The following SSH2 variants were observed in gnomAD, a reference collection of about 807,000 sequenced individuals.
SSH2 encodes slingshot protein phosphatase 2, also known as protein phosphatase Slingshot homolog 2.
In SSH2, 37 loss-of-function variants were observed where a neutral mutation model predicts 135.2. The ratio of observed to expected loss-of-function variants is 0.27; its 90% CI spans 0.21 to 0.36. SSH2 has a LOEUF of 0.36. Ranked by LOEUF, SSH2 falls within the 10% of genes least tolerant of loss-of-function variation. The pLI is 1.00. For missense variants in SSH2, 1,408 were observed against 1,765.3 expected, an observed-to-expected ratio of 0.80 and a Z score of 3.63; for synonymous variants, 628 against 646.2, an observed-to-expected ratio of 0.97 and a Z score of 0.43.
At chr17:29,799,967 TGAA>T (rs1323064049) in intron 2 of SSH2, among the ~76,000 whole-genome samples, 2 of 152,210 alleles carry the variant, frequency 1.3e-5, no homozygotes, top group African/African-American at 4.8e-5. Flanking sequence ...CAGAGGGAGC[TGAA>T]GAAGAAGGAA....
intron 3 of SSH2, among the ~76,000 whole-genome samples, chr17:29,754,731 A>G (rs754099484): frequency 6.6e-6 from 1 of 152,148 alleles, no homozygotes; most frequent in Non-Finnish European, 1.5e-5. Flanking sequence ...AAGTGGCACC[A>G]TCTCGGCTCA....
intron 1 of SSH2, among the ~76,000 whole-genome samples, chr17:29,889,470 A>G (rs1292528478): frequency 6.6e-6 from 1 of 151,676 alleles, no homozygotes; most frequent in Non-Finnish European, 1.5e-5. Flanking sequence ...AAACCAAAAA[A>G]CTCTCAGAAG....
chr17:29,893,441 T>C (rs1204267915), intron 1 of SSH2, among the ~76,000 whole-genome samples: 1 of 152,130 alleles, frequency 6.6e-6, no homozygotes, highest in Non-Finnish European at 1.5e-5. Context: ...ATGGAATTAA[T>C]GACCTTATAC....
chr17:29,631,156 G>A lies in SSH2; in HGVS notation c.4038C>T (p.Pro1346=). The part of the protein sequence containing the change: ...ENPGAPHNPE[P]TKSFVEQLTT... ...TGAGTTGTTCTACAAAAGACTTGGT[G>A]GGCTCTGGGTTGTGGGGGGCACCTG... Residue 1346 remains proline (P), a synonymous_variant, in exon 16 of 16, where the codon CCC becomes CCT. Transcript: ENST00000540801. 1 of 1,614,186 alleles carries A rather than the reference G, an allele frequency of 6.2e-7. No individual in the cohort carries two copies. The highest frequency in any genetic ancestry group is 8.5e-7 in the Non-Finnish European group (1 of 1,180,046).
At chr17:29,656,412 G>A (rs2036782078) in intron 11 of SSH2, among the ~76,000 whole-genome samples, 2 of 151,940 alleles carry the variant, frequency 1.3e-5, no homozygotes, top group African/African-American at 2.4e-5. Context: ...TCCTGACCTC[G>A]TGATCCACCC....
At chr17:29,708,075 C>T (rs1414167963) in intron 3 of SSH2, among the ~76,000 whole-genome samples, 1 of 151,994 alleles carries the variant, frequency 6.6e-6, no homozygotes, top group Non-Finnish European at 1.5e-5. Context: ...AATTTATAAC[C>T]ACCACCAGAG....
chr17:29,833,105 T>C (rs1403310621), intron 2 of SSH2, among the ~76,000 whole-genome samples: 1 of 152,234 alleles, frequency 6.6e-6, no homozygotes, highest in African/African-American at 2.4e-5. Flanking sequence ...ATTAGTTCCA[T>C]TTGGTCTATA....
intron 2 of SSH2, among the ~76,000 whole-genome samples, chr17:29,817,901 G>A (rs2042585577): frequency 6.6e-6 from 1 of 152,052 alleles, no homozygotes; most frequent in African/African-American, 2.4e-5. Flanking sequence ...GGGACTACAG[G>A]CATGTGCCAC....
intron 1 of SSH2, among the ~76,000 whole-genome samples, chr17:29,906,753 C>T (rs2066660372): frequency 6.6e-6 from 1 of 152,020 alleles, no homozygotes; most frequent in Non-Finnish European, 1.5e-5. Flanking sequence ...GGCCAATAAA[C>T]ATATGAAAAA....
At chr17:29,722,405 CAA>C (rs1055832313) in intron 3 of SSH2, among the ~76,000 whole-genome samples, 11 of 151,750 alleles carry the variant, frequency 7.2e-5, no homozygotes, top group Non-Finnish European at 2.9e-5. Context: ...ACTTGGGTTT[CAA>C]AAGTCAGAAA....
intron 11 of SSH2, among the ~76,000 whole-genome samples, chr17:29,665,732 A>C (rs1769570310): frequency 6.6e-6 from 1 of 152,252 alleles, no homozygotes; most frequent in Non-Finnish European, 1.5e-5. Context: ...CTAAATGTAC[A>C]GATAAGAACT....
intron 2 of SSH2, among the ~76,000 whole-genome samples, chr17:29,808,223 G>C (rs1357741281): frequency 6.6e-6 from 1 of 152,174 alleles, no homozygotes; most frequent in African/African-American, 2.4e-5. Context: ...CCGCCTCCCA[G>C]GTTCAAGCAA....
In SSH2 at chr17:29,762,183, A is replaced by AT. The variant is rs34151179; in HGVS notation, c.188+31710dup. On this transcript the variant is annotated intron_variant, in intron 3 of 15. Coordinates refer to ENST00000540801, the MANE Select transcript of SSH2 (RefSeq NM_001282129.2). Reference sequence around the variant, plus strand: ...GGCGTGAGCCAGGGCTCCCGGCAAGATTTTTTTTTTTTAAACAGTTGAAGT... The same window carrying AT: ...GGCGTGAGCCAGGGCTCCCGGCAAGATTTTTTTTTTTTTAAACAGTTGAAGT... 4.2e-4 allele frequency among the ~76,000 whole-genome samples: 63 copies of AT among 149,488 alleles called. 1 individual carries two copies. Among genetic ancestry groups the AT allele is most frequent in the African/African-American group, 9.3e-4 (38 of 40,732 alleles).
chr17:29,749,962 C>A (rs1223584416), intron 3 of SSH2, among the ~76,000 whole-genome samples: 3 of 151,778 alleles, frequency 2.0e-5, no homozygotes, highest in Non-Finnish European at 2.9e-5. Flanking sequence ...TGAGGCTAGA[C>A]CTCAAGTGAT....
At chr17:29,853,713 TCA>T (rs2065609226) in intron 1 of SSH2, among the ~76,000 whole-genome samples, 1 of 151,836 alleles carries the variant, frequency 6.6e-6, no homozygotes, top group Non-Finnish European at 1.5e-5. Flanking sequence ...TTCTTTGAGC[TCA>T]GTTTCCTCAT....
At chr17:29,666,168 T>C (rs2037266070) in intron 11 of SSH2, among the ~76,000 whole-genome samples, 1 of 151,918 alleles carries the variant, frequency 6.6e-6, no homozygotes, top group African/African-American at 2.4e-5. Context: ...AGCTCAGGAG[T>C]TCGAGACCAC....
intron 6 of SSH2, among the ~76,000 whole-genome samples, chr17:29,680,012 T>C (rs987192256): frequency 2.0e-5 from 3 of 152,170 alleles, no homozygotes; most frequent in Non-Finnish European, 4.4e-5. Context: ...CTCATAGATA[T>C]AGGTATAAAG....
At chr17:29,662,031 C>G (rs922086009) in intron 11 of SSH2, among the ~76,000 whole-genome samples, 1 of 152,174 alleles carries the variant, frequency 6.6e-6, no homozygotes, top group African/African-American at 2.4e-5. Context: ...ATTTCCCCCC[C>G]GCCCATGCTT....
At chr17:29,773,048 T>TCCATCCATCATCCAC (rs2041621653) in intron 3 of SSH2, among the ~76,000 whole-genome samples, 1 of 150,906 alleles carries the variant, frequency 6.6e-6, no homozygotes, top group Non-Finnish European at 1.5e-5. Context: ...CATCCATCCA[T>TCCATCCATCATCCAC]CCATCCATCC....
Sources: allele counts gnomAD v4.1 joint callset (sites outside exome capture counted in the v4.1 genomes callset), GRCh38; gene constraint gnomAD v4.1.1; transcripts MANE v1.5; gene names NCBI Gene and HGNC (gene_info 2026-07-23, HGNC 2026-07-21).